Variants in RGPD3 observed in about 807,000 individuals in gnomAD.
RGPD3 encodes RANBP2 like and GRIP domain containing 3.
RGPD3 carries 62 observed loss-of-function variants against 154.5 expected under a neutral mutation model. That is an observed-to-expected ratio of 0.40 (90% confidence interval 0.33 to 0.50). The LOEUF (loss-of-function observed/expected upper bound fraction) is 0.50. Ranked by LOEUF, RGPD3 falls within the 20% of genes least tolerant of loss-of-function variation. The probability of loss-of-function intolerance (pLI) is 0.59; values close to 1 mark genes in which losing one functional copy is unlikely to be tolerated. For synonymous variants in RGPD3, 308 were observed against 607.0 expected (o/e 0.51, Z 7.24); for missense variants, 919 against 1,716.8 (o/e 0.54, Z 8.21).
chr2:106,451,108 G>C (rs1450008390), intron 6 of RGPD3, among the ~76,000 whole-genome samples: 5 of 138,434 alleles, frequency 3.6e-5, no homozygotes, highest in Admixed American at 7.0e-5. Flanking sequence ...AAACAAAAAA[G>C]AAAGAAAGAA....
chr2:106,451,081 C>T (rs1229863510), intron 6 of RGPD3, among the ~76,000 whole-genome samples: 3 of 73,130 alleles, frequency 4.1e-5, no homozygotes, highest in African/African-American at 1.4e-4. Flanking sequence ...GAGCAAGACT[C>T]CCTCTCAAAA....
chr2:106,468,109 G>A lies in RGPD3; in HGVS notation c.72+108C>T, dbSNP rs1214562831. The A allele has an allele frequency of 2.1e-6, 3 of 1,404,024 alleles. No homozygotes were observed. In the African/African-American group the frequency reaches 4.5e-5, roughly 21 times the overall value. The allele number at this position is 1,404,024 out of a possible 1,614,324, so 87.0% of individuals were successfully genotyped here. A position where few individuals can be genotyped will look rare whatever the true frequency, so the allele number is the denominator to read the frequency against. Reference sequence around the variant, plus strand: ...CCTCCACAGAGCGCGCCAGGGAGCAGCGCTCGTCGGGAGCCATGACGCCTG... The same window carrying A: ...CCTCCACAGAGCGCGCCAGGGAGCAACGCTCGTCGGGAGCCATGACGCCTG... On this transcript the variant is annotated intron_variant, in intron 1 of 22. Coordinates refer to ENST00000409886, the MANE Select transcript of RGPD3 (RefSeq NM_001144013.2).
chr2:106,412,033 T>G (rs1451047405), intron 22 of RGPD3, among the ~76,000 whole-genome samples: 10 of 146,568 alleles, frequency 6.8e-5, no homozygotes, highest in South Asian at 2.3e-4. Flanking sequence ...CTCTCCCCTA[T>G]TTACGCCAAA....
intron 20 of RGPD3, 22 bp downstream of exon 20, chr2:106,423,021 A>G (rs1558838253): frequency 3.3e-6 from 3 of 913,088 alleles, no homozygotes; most frequent in African/African-American, 1.7e-5. Context: ...ATTGTGCTTA[A>G]CTTTAACAAC....
rs1558866639 is a variant in RGPD3 at position 106,468,214 on chromosome 2, C to T, written c.72+3G>A. On this transcript the variant is annotated splice_donor_region_variant and intron_variant, in intron 1 of 22. Coordinates refer to ENST00000409886, the MANE Select transcript of RGPD3 (RefSeq NM_001144013.2). ...GCCGTCGGTCTCTTCCAGACCCACT[C>T]ACCTTTCGAGGCGACGGGGCGGAGC... 1 of 1,604,400 alleles carries T rather than the reference C, an allele frequency of 6.2e-7. No homozygotes were observed. Among genetic ancestry groups the T allele is most frequent in the Non-Finnish European group, 8.5e-7 (1 of 1,176,604 alleles).
At chr2:106,413,818 T>C (rs1676742656) in intron 21 of RGPD3, among the ~76,000 whole-genome samples, 1 of 152,066 alleles carries the variant, frequency 6.6e-6, no homozygotes, top group Non-Finnish European at 1.5e-5. Flanking sequence ...CAGGGTATCA[T>C]GGAAATGGAG....
At position 106,424,502 on chromosome 2, in the gene RGPD3, C is replaced by T. The variant is rs1226215437; in HGVS notation, c.3465G>A (p.Glu1155=). ...ERLAAKFKTP[E]LAEEFKQKFE... ...ATTTCTGCTTGAATTCTTCAGCCAG[C>T]TCTGGTGTTTTAAATTTTGCTGCCA... The change falls in exon 20 of 23, where the codon GAG becomes GAA. Residue 1155 remains glutamate, a synonymous_variant. Transcript: ENST00000409886. 1 of 1,606,752 alleles carries T rather than the reference C, an allele frequency of 6.2e-7. No homozygotes were observed.
At chr2:106,446,341 G>T (rs1261833139) in intron 7 of RGPD3, among the ~76,000 whole-genome samples, 1 of 151,952 alleles carries the variant, frequency 6.6e-6, no homozygotes, top group African/African-American at 2.4e-5. Flanking sequence ...GCCGAGGCAG[G>T]TGGATGACTA....
chr2:106,403,726 C>T lies in RGPD3; in HGVS notation c.*1493G>A, dbSNP rs1469498104. Among the ~76,000 whole-genome samples, 3 of 152,388 alleles carry T rather than the reference C, an allele frequency of 2.0e-5. No individual in the cohort carries two copies. Among genetic ancestry groups the T allele is most frequent in the Non-Finnish European group, 4.4e-5 (3 of 68,046 alleles). On this transcript the variant is annotated 3_prime_UTR_variant, in exon 23 of 23. Transcript: ENST00000409886. ...TGAAATAGATGCATTTTCATTCATA[C>T]ATTCGCTAGTTAGGTCTGTTCTTCT...
chr2:106,418,092 C>T (rs1413231171), intron 20 of RGPD3, among the ~76,000 whole-genome samples: 1 of 144,284 alleles, frequency 6.9e-6, no homozygotes, highest in Non-Finnish European at 1.5e-5. Flanking sequence ...CACGCCACTG[C>T]ACTTCAGCCT....
At chr2:106,470,844 C>A (rs1678795175), upstream of RGPD3, 1 of 1,603,264 alleles carries the variant, frequency 6.2e-7, no homozygotes, top group South Asian at 1.1e-5. Context: ...CTTTGGAGCA[C>A]TAACGCCATC....
Position 106,412,816 on chromosome 2 carries a change from C to T in RGPD3, c.5266+268G>A, listed in dbSNP as rs202047446. 1,005 of 607,498 alleles carry T rather than the reference C, an allele frequency of 1.7e-3. 1 individual carries two copies. The highest frequency in any genetic ancestry group is 2.6e-3 in the Non-Finnish European group (844 of 330,848). The allele number at this position is 607,498 out of a possible 1,614,324, so 37.6% of individuals were successfully genotyped here. On this transcript the variant is annotated intron_variant, in intron 22 of 22. Coordinates refer to ENST00000409886, the MANE Select transcript of RGPD3 (RefSeq NM_001144013.2). Reference sequence around the variant, plus strand: ...TTCAGCTGAACACCAGAACGCAACACCAGGATAAAAATCCAATTTTCAAAG... The same window carrying T: ...TTCAGCTGAACACCAGAACGCAACATCAGGATAAAAATCCAATTTTCAAAG...
chr2:106,468,092 G>C, intron 1 of RGPD3, 125 bp downstream of exon 1: 2 of 1,288,418 alleles, frequency 1.6e-6, no homozygotes. Flanking sequence ...CGCCTCCACA[G>C]AGCGCGCCAG....
intron 17 of RGPD3, among the ~76,000 whole-genome samples, chr2:106,431,292 AT>A (rs1320844498): frequency 7.7e-6 from 1 of 129,332 alleles, no homozygotes; most frequent in African/African-American, 2.8e-5. Flanking sequence ...AACTAGTGGA[AT>A]CACCTAGAAA....
At chr2:106,467,154 G>A (rs1237261376) in intron 1 of RGPD3, among the ~76,000 whole-genome samples, 1 of 31,498 alleles carries the variant, frequency 3.2e-5, no homozygotes, top group African/African-American at 9.8e-5. Flanking sequence ...CCCGTCGGGA[G>A]CCATGACGCC....
intron 20 of RGPD3, among the ~76,000 whole-genome samples, chr2:106,422,075 C>T (rs1018244203): frequency 6.6e-6 from 1 of 152,098 alleles, no homozygotes; most frequent in Admixed American, 6.5e-5. Context: ...AGTTCTATAC[C>T]TTTGCTCTCA....
chr2:106,425,116 C>G lies in RGPD3; in HGVS notation c.2851G>C (p.Asp951His), dbSNP rs753658071. The G allele has an allele frequency of 6.8e-6, 11 of 1,611,874 alleles. No individual in the cohort carries two copies. In the Admixed American group the frequency reaches 1.0e-4, roughly 15 times the overall value. ...CGGCCCTTCTTCCGGCCACTAATAT[C>G]CTGAGCCTGTAAGCCAGTATCATTT... Reference protein sequence around the residue: ...LENDTGLQAQDISGRKKGRGV... With the variant: ...LENDTGLQAQHISGRKKGRGV... Residue 951 changes from aspartate (D) to histidine (H), a missense_variant, in exon 20 of 23, where the codon GAT becomes CAT. By Grantham distance (81) the Asp-to-His change is moderately conservative. Coordinates refer to ENST00000409886, the MANE Select transcript of RGPD3 (RefSeq NM_001144013.2).
rs748892905 is a variant in RGPD3 at position 106,413,104 on chromosome 2, T to C, written c.5246A>G (p.Lys1749Arg). 1.1e-5 allele frequency: 17 copies of C among 1,610,498 alleles called. 1 individual carries two copies. Among genetic ancestry groups the C allele is most frequent in the Non-Finnish European group, 1.3e-5 (15 of 1,179,580 alleles). The change falls in exon 22 of 23, where the codon AAA becomes AGA. Residue 1749 changes from lysine to arginine, a missense_variant. Transcript: ENST00000409886. ...CCCACCTTGAGCAACCGCAGCAAGT[T>C]TTCCCTTTTCTTCAAGGCTGAGCTG... The part of the protein sequence containing the change: ...MLQLSLEEKG[K>R]LAAVAQGEE
At chr2:106,466,543 C>G (rs1347011482) in intron 1 of RGPD3, among the ~76,000 whole-genome samples, 1 of 128,062 alleles carries the variant, frequency 7.8e-6, no homozygotes, top group African/African-American at 2.9e-5. Context: ...TCGAGGCCGC[C>G]GCAGGGCCAG....
Sources: allele counts gnomAD v4.1 joint callset (sites outside exome capture counted in the v4.1 genomes callset), GRCh38; gene constraint gnomAD v4.1.1; transcripts MANE v1.5; gene names NCBI Gene and HGNC (gene_info 2026-07-23, HGNC 2026-07-21).